The following GRIA3 variants were observed in gnomAD, a reference collection of about 807,000 sequenced individuals.
The protein encoded by GRIA3 is glutamate ionotropic receptor AMPA type subunit 3, also known as glutamate receptor 3.
In GRIA3, 3 loss-of-function variants were observed where a neutral mutation model predicts 63.0. The observed-to-expected ratio is 0.05, with a 90% CI of 0.02 to 0.12. The LOEUF is 0.12. GRIA3 is among the 10% of genes least tolerant of loss of function. The pLI, the probability that GRIA3 is intolerant of heterozygous loss-of-function variation, is 1.00. For synonymous variants in GRIA3, 274 were observed against 257.9 expected (o/e 1.06, Z -0.60); for missense variants, 347 against 700.9 (o/e 0.50, Z 5.70).
At chrX:123,186,042 T>C in intron 2 of GRIA3, 52 bp downstream of exon 2, 1 of 1,055,300 alleles carries the variant, frequency 9.5e-7, no homozygotes, top group Non-Finnish European at 1.3e-6. Context: ...CTCATTTGCA[T>C]CTTTCTTGTG....
intron 2 of GRIA3, among the ~76,000 whole-genome samples, chrX:123,242,337 G>A (rs1242479067): frequency 1.8e-5 from 2 of 112,118 alleles, no homozygotes; most frequent in Non-Finnish European, 3.8e-5. Flanking sequence ...TATATGATGT[G>A]ATATCAAACT....
chrX:123,372,617 T>C (rs1468005023), intron 5 of GRIA3, among the ~76,000 whole-genome samples: 1 of 111,798 alleles, frequency 8.9e-6, no homozygotes, highest in Non-Finnish European at 1.9e-5. Context: ...TTCCTAGGTA[T>C]GTAACTTTAT....
intron 2 of GRIA3, among the ~76,000 whole-genome samples, chrX:123,200,644 C>T (rs1927712635): frequency 9.4e-6 from 1 of 106,122 alleles, no homozygotes; most frequent in South Asian, 4.1e-4. Context: ...CACACACACG[C>T]AACCATTATA....
In GRIA3 at chrX:123,250,955, C is replaced by G. The variant is rs1269720568; in HGVS notation, c.269-2348C>G. On this transcript the variant is annotated intron_variant, in intron 2 of 15. Coordinates refer to ENST00000620443, the MANE Select transcript of GRIA3 (RefSeq NM_007325.5). ...TTAATAACATTATTGGATTTGAGTA[C>G]ATGTGAGTGTGAGTTTTGGATCAAG... is the stretch of plus-strand genomic sequence containing the variant. 1.5e-4 allele frequency among the ~76,000 whole-genome samples: 17 copies of G among 111,836 alleles called. No homozygotes were observed. In the Admixed American group the frequency reaches 1.6e-3, roughly 11 times the overall value.
chrX:123,365,937 A>G (rs2045207484), intron 5 of GRIA3, among the ~76,000 whole-genome samples: 1 of 112,054 alleles, frequency 8.9e-6, no homozygotes, highest in South Asian at 3.7e-4. Flanking sequence ...ATTACATGTT[A>G]AACAAGGGGT....
At chrX:123,346,566 C>G (rs971786249) in intron 4 of GRIA3, among the ~76,000 whole-genome samples, 3 of 112,433 alleles carry the variant, frequency 2.7e-5, no homozygotes, top group Non-Finnish European at 5.6e-5. Flanking sequence ...TGTCAGGTTC[C>G]CACTTATAAA....
At chrX:123,235,922 A>T (rs999396764) in intron 2 of GRIA3, among the ~76,000 whole-genome samples, 18 of 111,048 alleles carry the variant, frequency 1.6e-4, no homozygotes, top group Non-Finnish European at 3.4e-4. Flanking sequence ...AGGTGAAACT[A>T]TCTAGAGGTC....
intron 7 of GRIA3, among the ~76,000 whole-genome samples, chrX:123,401,476 T>C (rs1203540836): frequency 8.9e-6 from 1 of 111,999 alleles, no homozygotes; most frequent in Non-Finnish European, 1.9e-5. Flanking sequence ...ACATTATGTA[T>C]CAGTCTCATC....
chrX:123,378,936 T>G (rs2045304178), intron 5 of GRIA3, among the ~76,000 whole-genome samples: 1 of 111,181 alleles, frequency 9.0e-6, no homozygotes, highest in African/African-American at 3.3e-5. Flanking sequence ...TTTGTATAAA[T>G]GTATGGGGTA....
intron 2 of GRIA3, among the ~76,000 whole-genome samples, chrX:123,202,392 T>C (rs181123428): frequency 1.8e-4 from 20 of 112,345 alleles, no homozygotes; most frequent in Admixed American, 1.6e-3. Context: ...TAAAAATGCC[T>C]TCCAACAAGG....
At chrX:123,397,726 G>A (rs1403516485) in intron 6 of GRIA3, among the ~76,000 whole-genome samples, 1 of 112,291 alleles carries the variant, frequency 8.9e-6, no homozygotes, top group Non-Finnish European at 1.9e-5. Context: ...GTACTAGAGA[G>A]AGAGAACTCC....
At chrX:123,377,367 T>G (rs1303274986) in intron 5 of GRIA3, among the ~76,000 whole-genome samples, 1 of 112,422 alleles carries the variant, frequency 8.9e-6, no homozygotes, top group Non-Finnish European at 1.9e-5. Flanking sequence ...TATCAACAGT[T>G]GAATCTAACA....
At chrX:123,429,410 T>C (rs1267659384) in intron 12 of GRIA3, among the ~76,000 whole-genome samples, 2 of 111,766 alleles carry the variant, frequency 1.8e-5, no homozygotes, top group Non-Finnish European at 3.8e-5. Flanking sequence ...ATCTCACCTA[T>C]ACCACCTGTT....
At chrX:123,304,414 G>T (rs1379244969) in intron 3 of GRIA3, among the ~76,000 whole-genome samples, 1 of 111,469 alleles carries the variant, frequency 9.0e-6, no homozygotes, top group African/African-American at 3.3e-5. Flanking sequence ...CACTTCTGAT[G>T]TCCTGCGATT....
chrX:123,278,783 T>C (rs191613947), intron 3 of GRIA3, among the ~76,000 whole-genome samples: 25 of 112,161 alleles, frequency 2.2e-4, no homozygotes, highest in Admixed American at 1.0e-3. Flanking sequence ...CATTGGTCTA[T>C]GTGTCCATTT....
intron 13 of GRIA3, among the ~76,000 whole-genome samples, chrX:123,467,221 GCT>G (rs2045839272): frequency 2.7e-5 from 3 of 112,100 alleles, no homozygotes. Context: ...GTCACATTCG[GCT>G]CTTTCTCCTC....
intron 3 of GRIA3, among the ~76,000 whole-genome samples, chrX:123,260,298 A>G (rs1603052981): frequency 9.8e-6 from 1 of 101,818 alleles, no homozygotes; most frequent in African/African-American, 3.6e-5. Flanking sequence ...CTGGTTCAGG[A>G]TAGGCCACTA....
chrX:123,487,568 A>C (rs1299284959), intron 15 of GRIA3, among the ~76,000 whole-genome samples: 1 of 112,059 alleles, frequency 8.9e-6, no homozygotes, highest in African/African-American at 3.2e-5. Flanking sequence ...TCTTTCTCCC[A>C]AGGGACTTTT....
intron 2 of GRIA3, chrX:123,204,455 C>T: frequency 8.6e-7 from 1 of 1,159,529 alleles, no homozygotes; most frequent in South Asian, 1.9e-5. Flanking sequence ...ACTACCTCCT[C>T]CCTTCTTGAG....
Sources: allele counts gnomAD v4.1 joint callset (sites outside exome capture counted in the v4.1 genomes callset), GRCh38; gene constraint gnomAD v4.1.1; transcripts MANE v1.5; gene names NCBI Gene and HGNC (gene_info 2026-07-23, HGNC 2026-07-21).